The following SIDT1 variants were observed in gnomAD, a reference collection of about 807,000 sequenced individuals.
SIDT1 encodes the protein SID1 transmembrane family, member 1.
In SIDT1, 101 loss-of-function variants were observed where a neutral mutation model predicts 107.5. That is an observed-to-expected ratio of 0.94 (90% CI 0.80 to 1.11). SIDT1 has a LOEUF of 1.11. Among genes scored for constraint, SIDT1 ranks in the 50% least tolerant of loss-of-function variants. The probability of loss-of-function intolerance (pLI) is 0.00; values close to 1 mark genes in which losing one functional copy is unlikely to be tolerated. For synonymous variants in SIDT1, 395 were observed against 398.2 expected, an observed-to-expected ratio of 0.99 and a Z score of 0.10; for missense variants, 1,076 against 1,058.2, an observed-to-expected ratio of 1.02 and a Z score of -0.23.
intron 1 of SIDT1, among the ~76,000 whole-genome samples, chr3:113,534,926 G>T (rs1048485516): frequency 6.6e-6 from 1 of 152,200 alleles, no homozygotes; most frequent in East Asian, 1.9e-4. Context: ...GAGGGCAGGG[G>T]CAAAGTCATG....
chr3:113,534,434 C>A (rs1214002347), intron 1 of SIDT1, among the ~76,000 whole-genome samples: 2 of 152,222 alleles, frequency 1.3e-5, no homozygotes, highest in African/African-American at 4.8e-5. Flanking sequence ...GGCACTGTTA[C>A]CATGGCAGCA....
chr3:113,577,552 C>G (rs1942999789), intron 4 of SIDT1, among the ~76,000 whole-genome samples: 2 of 152,156 alleles, frequency 1.3e-5, no homozygotes, highest in Admixed American at 1.3e-4. Flanking sequence ...TCCATTAAAC[C>G]ATAACCACAA....
intron 1 of SIDT1, among the ~76,000 whole-genome samples, chr3:113,538,474 T>C (rs1560001488): frequency 6.6e-6 from 1 of 152,216 alleles, no homozygotes; most frequent in Non-Finnish European, 1.5e-5. Context: ...CTGTTAAACA[T>C]AGAATACATA....
intron 1 of SIDT1, among the ~76,000 whole-genome samples, chr3:113,556,821 C>CTTTCTTT (rs1553782950): frequency 8.4e-5 from 9 of 107,638 alleles, no homozygotes; most frequent in South Asian, 6.1e-4. Context: ...GTTTCTTTTT[C>CTTTCTTT]TTTTTTTTTT....
chr3:113,533,265 C>T (rs1336401174), intron 1 of SIDT1, 22 bp downstream of exon 1: 10 of 1,423,880 alleles, frequency 7.0e-6, no homozygotes, highest in Non-Finnish European at 8.3e-6. Flanking sequence ...GCTCCCCTCG[C>T]TCGACTCCTA....
chr3:113,592,901 G>A (rs892878776), intron 9 of SIDT1, 104 bp from the exon 10 acceptor site: 1 of 947,484 alleles, frequency 1.1e-6, no homozygotes, highest in Non-Finnish European at 1.7e-6. Context: ...GACATGTTTT[G>A]AAGAGATCCT....
chr3:113,573,587 T>C (rs889612114), intron 3 of SIDT1, among the ~76,000 whole-genome samples: 1 of 152,194 alleles, frequency 6.6e-6, no homozygotes, highest in Non-Finnish European at 1.5e-5. Flanking sequence ...AAAATTCATA[T>C]TGAAATCTCC....
intron 9 of SIDT1, among the ~76,000 whole-genome samples, chr3:113,589,370 T>C (rs1943971891): frequency 6.6e-6 from 1 of 152,182 alleles, no homozygotes. Flanking sequence ...CAAACTTGGG[T>C]AAAGTCTGTG....
At chr3:113,537,580 G>T (rs1187750423) in intron 1 of SIDT1, among the ~76,000 whole-genome samples, 1 of 152,222 alleles carries the variant, frequency 6.6e-6, no homozygotes, top group Non-Finnish European at 1.5e-5. Flanking sequence ...ACTAGTGCTT[G>T]TTGGAGGAAA....
At chr3:113,636,446 G>A in the SIDT1 span, among the ~76,000 whole-genome samples, 2 of 152,058 alleles carry the variant, frequency 1.3e-5, no homozygotes, top group Admixed American at 6.6e-5. Flanking sequence ...TTTGCACATC[G>A]CTTCATGGCA....
rs1325719847 is a variant in SIDT1, at chr3:113,611,144, G to A, written c.1857G>A (p.Val619=). ...AVVIMVTVLG[V]VFGKNDVWFW... ...TCATCATGGTCACCGTCCTTGGAGT[G>A]GTGCGTCCCCCACCTTCTTCCACCT... is the stretch of plus-strand genomic sequence containing the variant. Residue 619 remains valine (V), a splice_region_variant and synonymous_variant, in exon 18 of 25, where the codon GTG becomes GTA. Coordinates refer to ENST00000264852, the MANE Select transcript of SIDT1 (RefSeq NM_017699.3). The A allele has an allele frequency of 1.9e-6, 3 of 1,613,194 alleles. No individual in the cohort carries two copies. In the South Asian group the frequency reaches 3.3e-5, roughly 18 times the overall value.
At chr3:113,535,622 A>C (rs903140316) in intron 1 of SIDT1, among the ~76,000 whole-genome samples, 1 of 152,232 alleles carries the variant, frequency 6.6e-6, no homozygotes, top group African/African-American at 2.4e-5. Context: ...CAGTCCCTAG[A>C]ATTTTTGTTA....
intron 10 of SIDT1, among the ~76,000 whole-genome samples, chr3:113,594,244 C>A (rs1944384402): frequency 6.6e-6 from 1 of 152,136 alleles, no homozygotes; most frequent in Non-Finnish European, 1.5e-5. Flanking sequence ...TCCAGCCACC[C>A]AAGCACTTTG....
chr3:113,603,626 C>A (rs1387754163), intron 12 of SIDT1, among the ~76,000 whole-genome samples: 2 of 152,306 alleles, frequency 1.3e-5, no homozygotes, highest in Non-Finnish European at 1.5e-5. Flanking sequence ...CAGTGGACAG[C>A]TCTGAAAGCT....
rs971407742 is a variant in SIDT1, at chr3:113,607,046, A to G, written c.1410A>G (p.Val470=). Residue 470 remains valine, a synonymous_variant, in exon 15 of 25, where the codon GTA becomes GTG. Transcript: ENST00000264852. ...TCTCACTCTTGATTTTACAGGTGGT[A>G]AATGTCACTGGCAACCAGGACATCT... ...IQLVITYQTV[V]NVTGNQDICY... 4 of 1,608,688 alleles carry G rather than the reference A, an allele frequency of 2.5e-6. No homozygotes were observed. The highest frequency in any genetic ancestry group is 3.4e-6 in the Non-Finnish European group (4 of 1,175,116).
Position 113,533,231 on chromosome 3 carries a change from C to T in SIDT1, c.210C>T (p.Ser70=), listed in dbSNP as rs750511848. 12 of 1,485,368 alleles carry T rather than the reference C, an allele frequency of 8.1e-6. No individual in the cohort carries two copies. In the South Asian group the frequency reaches 1.2e-4, roughly 15 times the overall value. 92.0% of individuals were successfully genotyped at this position (1,485,368 alleles called of 1,614,324 possible). A position where few individuals can be genotyped will look rare whatever the true frequency, so the allele number is the denominator to read the frequency against. ...TENIYSFNYT[S]QPDQVTAVRV... ...ACATCTACTCTTTCAACTACACCAGCCAGCCCGACCAGGTAAGACACTCGC... is the reference window on the plus strand; with the variant it reads ...ACATCTACTCTTTCAACTACACCAGTCAGCCCGACCAGGTAAGACACTCGC... Residue 70 remains serine, a synonymous_variant, in exon 1 of 25, where the codon AGC becomes AGT. Transcript: ENST00000264852.
chr3:113,545,114 T>TAAAAAAAAAAAAAA (rs554009768), intron 1 of SIDT1, among the ~76,000 whole-genome samples: 2 of 73,968 alleles, frequency 2.7e-5, no homozygotes, highest in African/African-American at 1.2e-4. Context: ...GAGACTCTGT[T>TAAAAAAAAAAAAAA]AAAAAAAAAA....
intron 3 of SIDT1, among the ~76,000 whole-genome samples, chr3:113,572,362 T>C (rs1942536570): frequency 6.6e-6 from 1 of 152,176 alleles, no homozygotes; most frequent in South Asian, 2.1e-4. Context: ...AGAAGCCTGG[T>C]CCACATGATG....
chr3:113,570,246 A>AT (rs1942328233), intron 3 of SIDT1, among the ~76,000 whole-genome samples: 1 of 152,198 alleles, frequency 6.6e-6, no homozygotes, highest in Non-Finnish European at 1.5e-5. Flanking sequence ...ATTTATCCAT[A>AT]TGGGAATACA....
Sources: allele counts gnomAD v4.1 joint callset (sites outside exome capture counted in the v4.1 genomes callset), GRCh38; gene constraint gnomAD v4.1.1; transcripts MANE v1.5; gene names NCBI Gene and HGNC (gene_info 2026-07-23, HGNC 2026-07-21).